GNAQ: variants seen among roughly 807,000 people sequenced by gnomAD.
GNAQ encodes the protein guanine nucleotide-binding protein G(q) subunit alpha.
In GNAQ, 8 loss-of-function variants were observed where a neutral mutation model predicts 43.9. That is an observed-to-expected ratio of 0.18 (90% confidence interval 0.11 to 0.33). GNAQ has a LOEUF of 0.33. GNAQ is among the 10% of genes least tolerant of loss of function. The pLI is 1.00. For synonymous variants in GNAQ, 155 were observed against 170.7 expected, an observed-to-expected ratio of 0.91 and a Z score of 0.71; for missense variants, 158 against 450.8, an observed-to-expected ratio of 0.35 and a Z score of 5.88.
chr9:77,766,619 G>C (rs1046066419), intron 5 of GNAQ, among the ~76,000 whole-genome samples: 1 of 152,130 alleles, frequency 6.6e-6, no homozygotes, highest in Non-Finnish European at 1.5e-5. Flanking sequence ...GCTCAACACC[G>C]GGGCAGGAGG....
intron 1 of GNAQ, among the ~76,000 whole-genome samples, chr9:78,010,958 T>A (rs1410452996): frequency 2.0e-5 from 3 of 152,138 alleles, no homozygotes; most frequent in African/African-American, 7.2e-5. Flanking sequence ...AGCCAACAGA[T>A]CTGTTTTCCC....
At chr9:77,852,893 C>T (rs532653624) in intron 2 of GNAQ, among the ~76,000 whole-genome samples, 2 of 152,102 alleles carry the variant, frequency 1.3e-5, no homozygotes, top group Admixed American at 6.5e-5. Flanking sequence ...ATTTTTCCAG[C>T]GGAGAAACAA....
At position 77,871,788 on chromosome 9, in the gene GNAQ, T is replaced by C. The variant is rs184416727; in HGVS notation, c.321+50373A>G. Among the ~76,000 whole-genome samples the C allele has an allele frequency of 2.0e-5, 3 of 152,286 alleles. No homozygotes were observed. The East Asian group carries it at 5.8e-4, about 29-fold the overall frequency. On this transcript the variant is annotated intron_variant, in intron 2 of 6. Transcript: ENST00000286548. ...GAATTGCAGAATTTTACTACCTAAG[T>C]GGACAAGTGGCATAACAGAAAAATC...
intron 2 of GNAQ, among the ~76,000 whole-genome samples, chr9:77,869,351 G>C (rs1483649874): frequency 6.6e-6 from 1 of 152,122 alleles, no homozygotes; most frequent in Non-Finnish European, 1.5e-5. Context: ...AGTGCATAAG[G>C]AGAAAATATC....
chr9:78,026,363 GA>G (rs1194609859), intron 1 of GNAQ, among the ~76,000 whole-genome samples: 3 of 152,172 alleles, frequency 2.0e-5, no homozygotes, highest in Non-Finnish European at 2.9e-5. Flanking sequence ...TGATTTTTAT[GA>G]GGGATGTTCC....
At chr9:77,896,104 C>T (rs1828499011) in intron 2 of GNAQ, among the ~76,000 whole-genome samples, 1 of 152,026 alleles carries the variant, frequency 6.6e-6, no homozygotes, top group Admixed American at 6.6e-5. Flanking sequence ...TGGATAGAAG[C>T]CTGATCACAG....
chr9:77,815,271 AATT>A (rs1396136131), intron 3 of GNAQ, among the ~76,000 whole-genome samples: 2 of 152,108 alleles, frequency 1.3e-5, no homozygotes, highest in Admixed American at 6.5e-5. Flanking sequence ...TTCTATCAAA[AATT>A]ATTATTACAA....
At chr9:77,778,790 T>C (rs2118395514) in intron 5 of GNAQ, among the ~76,000 whole-genome samples, 1 of 152,134 alleles carries the variant, frequency 6.6e-6, no homozygotes, top group South Asian at 2.1e-4. Context: ...CAAGTAGCTG[T>C]ATTAATTTCA....
chr9:77,999,092 CAAAAAAAA>C (rs56358201), intron 1 of GNAQ, among the ~76,000 whole-genome samples: 2 of 52,590 alleles, frequency 3.8e-5, no homozygotes, highest in African/African-American at 2.1e-4. Flanking sequence ...AACTCTGTCT[CAAAAAAAA>C]AAAAAAAAAA....
At chr9:77,982,186 A>C (rs2118497543) in intron 1 of GNAQ, among the ~76,000 whole-genome samples, 1 of 152,304 alleles carries the variant, frequency 6.6e-6, no homozygotes, top group South Asian at 2.1e-4. Flanking sequence ...GCTTATAGAA[A>C]GTCTTTTCAT....
At chr9:77,963,059 C>CA (rs1823125246) in intron 1 of GNAQ, among the ~76,000 whole-genome samples, 1 of 152,000 alleles carries the variant, frequency 6.6e-6, no homozygotes, top group Non-Finnish European at 1.5e-5. Context: ...TGAAAAACGC[C>CA]ACTATCAGAA....
chr9:78,012,197 C>A (rs1316555417), intron 1 of GNAQ, among the ~76,000 whole-genome samples: 1 of 150,694 alleles, frequency 6.6e-6, no homozygotes, highest in Admixed American at 6.6e-5. Context: ...TATACCCATG[C>A]AAGTTGTTAT....
intron 2 of GNAQ, among the ~76,000 whole-genome samples, chr9:77,912,744 TA>T (rs1317046043): frequency 6.6e-6 from 1 of 152,176 alleles, no homozygotes; most frequent in Non-Finnish European, 1.5e-5. Context: ...TTATAAGAGA[TA>T]ACCAAATAGC....
intron 1 of GNAQ, among the ~76,000 whole-genome samples, chr9:77,979,510 C>T (rs1455927818): frequency 1.3e-5 from 2 of 152,020 alleles, no homozygotes; most frequent in Non-Finnish European, 2.9e-5. Context: ...TGGAGTTCAT[C>T]CCCTTCTAGT....
intron 2 of GNAQ, among the ~76,000 whole-genome samples, chr9:77,892,987 T>A (rs1425271579): frequency 6.6e-6 from 1 of 152,204 alleles, no homozygotes; most frequent in Non-Finnish European, 1.5e-5. Context: ...AAGGGTTTTA[T>A]TGTTCCATCC....
intron 4 of GNAQ, 52 bp from the exon 5 acceptor site, chr9:77,794,644 G>A (rs1466092985): frequency 8.3e-7 from 1 of 1,204,914 alleles, no homozygotes. Context: ...AAACTAAAAA[G>A]TCAACATAAA....
chr9:77,729,067 G>A (rs1825444464), intron 5 of GNAQ, among the ~76,000 whole-genome samples: 1 of 146,964 alleles, frequency 6.8e-6, no homozygotes, highest in Non-Finnish European at 1.5e-5. Flanking sequence ...TATTTCTTAA[G>A]CTATATTTAT....
chr9:77,922,153 G>C lies in GNAQ; in HGVS notation c.321+8C>G. The C allele has an allele frequency of 6.3e-7, 1 of 1,596,882 alleles. No individual in the cohort carries two copies. The highest frequency in any genetic ancestry group is 8.6e-7 in the Non-Finnish European group (1 of 1,165,660). ...CAGCTGACTGCTCCAATGAAGAGTC[G>C]CACCTACCTTATTGTGCTCATACTT... On this transcript the variant is annotated splice_region_variant and intron_variant, in intron 2 of 6. Transcript: ENST00000286548.
chr9:77,934,069 T>C (rs1319979229), intron 1 of GNAQ, among the ~76,000 whole-genome samples: 1 of 152,196 alleles, frequency 6.6e-6, no homozygotes, highest in Admixed American at 6.5e-5. Context: ...AAATGCCATT[T>C]TCCACCTTAT....
Sources: allele counts gnomAD v4.1 joint callset (sites outside exome capture counted in the v4.1 genomes callset), GRCh38; gene constraint gnomAD v4.1.1; transcripts MANE v1.5; gene names NCBI Gene and HGNC (gene_info 2026-07-23, HGNC 2026-07-21).